The following GTF2I variants were observed in gnomAD, a reference collection of about 807,000 sequenced individuals.
GTF2I encodes general transcription factor II-I.
A neutral mutation model predicts 67.6 loss-of-function variants in GTF2I; 12 were observed. The observed-to-expected ratio is 0.18, with a 90% CI of 0.11 to 0.29. The LOEUF (loss-of-function observed/expected upper bound fraction) is 0.29. GTF2I is among the 10% of genes least tolerant of loss of function. The pLI, the probability that GTF2I is intolerant of heterozygous loss-of-function variation, is 1.00. For missense variants in GTF2I, 271 were observed against 580.1 expected (o/e 0.47, Z 5.47); for synonymous variants, 149 against 197.0 (o/e 0.76, Z 2.04).
At chr7:74,682,212 T>C (rs1554394316) in intron 1 of GTF2I, among the ~76,000 whole-genome samples, 1 of 152,230 alleles carries the variant, frequency 6.6e-6, no homozygotes, top group African/African-American at 2.4e-5. Flanking sequence ...TCTGGCTAAT[T>C]CATAAATTGT....
At chr7:74,727,818 A>G (rs1554406014) in intron 12 of GTF2I, 2 of 152,212 alleles carry the variant, frequency 1.3e-5, no homozygotes, top group African/African-American at 4.8e-5. Context: ...GTCACAGCAG[A>G]GTGAGTTCCT....
chr7:74,759,050 GTCTC>G, intron 34 of GTF2I, 195 bp downstream of exon 34: 1 of 182,408 alleles, frequency 5.5e-6, no homozygotes, highest in Non-Finnish European at 1.1e-5. Context: ...ATCAATATAT[GTCTC>G]TCAGTCAAAG....
rs140715912 is a variant in GTF2I at position 74,710,314 on chromosome 7, T to C, written c.686-718T>C. Among the ~76,000 whole-genome samples, 494 of 152,260 alleles carry C rather than the reference T, an allele frequency of 3.2e-3. 1 individual carries two copies. The highest frequency in any genetic ancestry group is 0.011 in the African/African-American group (470 of 41,546). ...AGTCTGAAATGTGTATGTGCACCCA[T>C]GCATTGTTCATTTCTTTTTCTTTTT... On this transcript the variant is annotated intron_variant, in intron 8 of 34. Transcript: ENST00000573035.
intron 1 of GTF2I, among the ~76,000 whole-genome samples, chr7:74,658,812 C>T (rs1286258020): frequency 2.6e-5 from 4 of 152,022 alleles, no homozygotes; most frequent in African/African-American, 7.2e-5. Flanking sequence ...AGCTTTAGGC[C>T]ATGAAAATTA....
intron 3 of GTF2I, among the ~76,000 whole-genome samples, chr7:74,697,310 G>A (rs587721483): frequency 7.3e-4 from 111 of 152,160 alleles, no homozygotes; most frequent in African/African-American, 2.3e-3. Context: ...CAGAAGAATC[G>A]TTTGAACCTG....
At chr7:74,705,551 CTCTTT>C (rs1486716225) in intron 7 of GTF2I, among the ~76,000 whole-genome samples, 9 of 90,032 alleles carry the variant, frequency 1.0e-4, no homozygotes, top group African/African-American at 4.6e-4. Flanking sequence ...CAGTTGGTAA[CTCTTT>C]TTTTTTTTTT....
chr7:74,691,022 A>G lies in GTF2I; in HGVS notation c.149A>G (p.Tyr50Cys). ...SKAEVACIAV[Y>C]ETDVFVVGTE... ...GCCGAAGTGGCCTGCATTGCAGTGT[A>G]TGAAACAGACGTGTTTGTCGTCGGA... is the stretch of plus-strand genomic sequence containing the variant. The change falls in exon 3 of 35, where the codon TAT becomes TGT. Residue 50 changes from tyrosine (Y) to cysteine (C), a missense_variant. Tyr to Cys is a radical substitution (Grantham distance 194, BLOSUM62 -2). Coordinates refer to ENST00000573035, the MANE Select transcript of GTF2I (RefSeq NM_032999.4). 1 of 1,613,610 alleles carries G rather than the reference A, an allele frequency of 6.2e-7. No homozygotes were observed. The highest frequency in any genetic ancestry group is 8.5e-7 in the Non-Finnish European group (1 of 1,179,570).
At chr7:74,723,428 C>CTTTTTTTTTTTTTT (rs58149301) in intron 12 of GTF2I, among the ~76,000 whole-genome samples, 1,135 of 61,034 alleles carry the variant, frequency 0.019, 359 homozygotes, top group African/African-American at 0.084. Flanking sequence ...CTCCCGGCCT[C>CTTTTTTTTTTTTTT]TTTTTTTTTT....
intron 12 of GTF2I, among the ~76,000 whole-genome samples, chr7:74,725,531 T>A (rs1341402911): frequency 1.4e-5 from 2 of 146,468 alleles, no homozygotes; most frequent in African/African-American, 2.5e-5. Flanking sequence ...CTACAAAAGT[T>A]AAAAAAAAAA....
rs587599397 is a variant in GTF2I, at chr7:74,720,997, G to T, written c.943+2056G>T. 5.9e-5 allele frequency among the ~76,000 whole-genome samples: 9 copies of T among 152,136 alleles called. No individual in the cohort carries two copies. The South Asian group carries it at 1.9e-3, about 32-fold the overall frequency. ...AGCCTTTTGAACTTTAACTGTTTTG[G>T]ATGGAGTAATAAATCTCTTTTCTTT... On this transcript the variant is annotated intron_variant, in intron 12 of 34. Transcript: ENST00000573035.
chr7:74,659,386 C>T (rs1184982500), intron 1 of GTF2I, among the ~76,000 whole-genome samples: 1 of 151,636 alleles, frequency 6.6e-6, no homozygotes, highest in Admixed American at 6.6e-5. Context: ...TGCCATCATG[C>T]CCTGCTAATT....
intron 1 of GTF2I, among the ~76,000 whole-genome samples, chr7:74,688,409 T>C (rs140045987): frequency 7.6e-4 from 115 of 152,292 alleles, no homozygotes; most frequent in African/African-American, 2.7e-3. Flanking sequence ...GTTGTTTTCA[T>C]TTTATTTTGG....
chr7:74,731,607 C>T (rs1328995064), intron 14 of GTF2I, among the ~76,000 whole-genome samples: 1 of 150,696 alleles, frequency 6.6e-6, no homozygotes, highest in African/African-American at 2.4e-5. Context: ...TGGAGTGGCA[C>T]GATCTTGGCT....
At chr7:74,723,381 C>T (rs1383039059) in intron 12 of GTF2I, among the ~76,000 whole-genome samples, 1 of 146,298 alleles carries the variant, frequency 6.8e-6, no homozygotes, top group African/African-American at 2.6e-5. Context: ...CCCACCTCAC[C>T]CTCCCAAAGA....
chr7:74,695,645 C>G (rs1350980034), intron 3 of GTF2I, among the ~76,000 whole-genome samples: 5 of 152,180 alleles, frequency 3.3e-5, no homozygotes, highest in African/African-American at 1.2e-4. Flanking sequence ...TCCCCTGCCA[C>G]TGTATTCCTC....
At chr7:74,696,556 G>A (rs587617490) in intron 3 of GTF2I, among the ~76,000 whole-genome samples, 3 of 150,822 alleles carry the variant, frequency 2.0e-5, no homozygotes, top group South Asian at 2.1e-4. Flanking sequence ...GCAGTGGCAC[G>A]ATCTCAGCTC....
rs1249879758 is a variant in GTF2I at position 74,658,434 on chromosome 7, G to C, written c.-6+366G>C. 6.9e-5 allele frequency among the ~76,000 whole-genome samples: 10 copies of C among 145,260 alleles called. No individual in the cohort carries two copies. In the South Asian group the frequency reaches 2.1e-3, roughly 31 times the overall value. ...CGGTGGGGGGGCGCCTCGCGCGTGC[G>C]ATCCCGCGCGCGAGCGAGCGAGCGG... On this transcript the variant is annotated intron_variant, in intron 1 of 34. Coordinates refer to ENST00000573035, the MANE Select transcript of GTF2I (RefSeq NM_032999.4).
chr7:74,692,100 G>T (rs1554397202), intron 3 of GTF2I, among the ~76,000 whole-genome samples: 2 of 146,708 alleles, frequency 1.4e-5, no homozygotes, highest in African/African-American at 5.1e-5. Context: ...TAAGAGATGG[G>T]GTCTCGCTCC....
intron 1 of GTF2I, among the ~76,000 whole-genome samples, chr7:74,687,836 A>C (rs1443008001): frequency 6.6e-6 from 1 of 152,144 alleles, no homozygotes; most frequent in African/African-American, 2.4e-5. Flanking sequence ...TCTTGTTTCC[A>C]GTGTTTAATT....
Sources: allele counts gnomAD v4.1 joint callset (sites outside exome capture counted in the v4.1 genomes callset), GRCh38; gene constraint gnomAD v4.1.1; transcripts MANE v1.5; gene names NCBI Gene and HGNC (gene_info 2026-07-23, HGNC 2026-07-21).